Variants in GPALPP1 observed in about 807,000 individuals in gnomAD.
GPALPP1 encodes the protein GPALPP motifs containing 1, also known as GPALPP motifs-containing protein 1.
GPALPP1 carries 30 observed loss-of-function variants against 38.9 expected under a neutral mutation model. The observed-to-expected ratio is 0.77, with a 90% CI of 0.58 to 1.05. The LOEUF (loss-of-function observed/expected upper bound fraction) is 1.05, where lower values mean the gene tolerates loss of function less well. Among genes scored for constraint, GPALPP1 ranks in the 50% least tolerant of loss-of-function variants. The probability of loss-of-function intolerance (pLI) is 0.00; values close to 1 mark genes in which losing one functional copy is unlikely to be tolerated. For missense variants in GPALPP1, 384 were observed against 408.8 expected, an observed-to-expected ratio of 0.94 and a Z score of 0.52; for synonymous variants, 120 against 139.2, an observed-to-expected ratio of 0.86 and a Z score of 0.97.
rs570409619 is a variant in GPALPP1 at position 45,021,120 on chromosome 13, A to T, written c.804+692A>T. On this transcript the variant is annotated intron_variant, in intron 7 of 7. Transcript: ENST00000379151. The stretch of plus-strand genomic sequence containing the variant: ...TTGTTATCTTCTGTCTTTTAAAAAA[A>T]TGGCAAATGTTGGATGGTGCCTGCA... Among the ~76,000 whole-genome samples the T allele has an allele frequency of 1.3e-4, 20 of 152,366 alleles. No individual in the cohort carries two copies. In the East Asian group the frequency reaches 3.7e-3, roughly 28 times the overall value.
chr13:45,019,070 TA>T (rs1875162966), intron 6 of GPALPP1, among the ~76,000 whole-genome samples: 1 of 137,880 alleles, frequency 7.3e-6, no homozygotes, highest in Non-Finnish European at 1.5e-5. Flanking sequence ...TACATATAAA[TA>T]TATACATATA....
rs997706364 is a variant in GPALPP1, at chr13:45,030,095, A to G, written c.*2092A>G. On this transcript the variant is annotated 3_prime_UTR_variant, in exon 8 of 8. Transcript: ENST00000379151. ...TTTTTTTAGCTAATTTACGGGGGTC[A>G]TATCAGTCATGAATAGCCTTTTTTA... 1 of 152,180 alleles carries G rather than the reference A, an allele frequency of 6.6e-6. No individual in the cohort carries two copies. Among genetic ancestry groups the G allele is most frequent in the African/African-American group, 2.4e-5 (1 of 41,442 alleles). 9.4% of individuals were successfully genotyped at this position (152,180 alleles called of 1,614,324 possible). A position where few individuals can be genotyped will look rare whatever the true frequency, so the allele number is the denominator to read the frequency against.
chr13:45,016,023 AC>A (rs1286586065), intron 6 of GPALPP1, among the ~76,000 whole-genome samples: 1 of 152,124 alleles, frequency 6.6e-6, no homozygotes, highest in African/African-American at 2.4e-5. Context: ...GAAAAAAAAA[AC>A]AAAGCTGCAG....
chr13:45,006,160 A>G lies in GPALPP1; in HGVS notation c.222-42A>G, dbSNP rs748851144. The G allele has an allele frequency of 3.5e-5, 41 of 1,164,504 alleles. No individual in the cohort carries two copies. The African/African-American group carries it at 5.7e-4, about 16-fold the overall frequency. The allele number at this position is 1,164,504 out of a possible 1,614,324, so 72.1% of individuals were successfully genotyped here. ...ATTAAAATGTGCTTTTGTGAAAAAA[A>G]TTTTGACATATATGCATAAAGTTAT... On this transcript the variant is annotated intron_variant, in intron 2 of 7. Transcript: ENST00000379151.
intron 1 of GPALPP1, among the ~76,000 whole-genome samples, chr13:45,000,627 GAGAA>G (rs545505060): frequency 2.3e-3 from 354 of 152,250 alleles, no homozygotes; most frequent in Middle Eastern, 3.4e-3. Context: ...CATATAAGAA[GAGAA>G]AGAAGCAGAA....
At chr13:44,997,000 C>T (rs1284981174) in intron 1 of GPALPP1, among the ~76,000 whole-genome samples, 1 of 151,982 alleles carries the variant, frequency 6.6e-6, no homozygotes. Context: ...TCATTCCCCC[C>T]TCCAGCTCCT....
chr13:45,003,053 CTG>C (rs1050779056), intron 1 of GPALPP1, among the ~76,000 whole-genome samples: 3 of 152,044 alleles, frequency 2.0e-5, no homozygotes, highest in South Asian at 2.1e-4. Flanking sequence ...TACTTAATAA[CTG>C]TTGTTGGATG....
intron 1 of GPALPP1, among the ~76,000 whole-genome samples, chr13:44,992,458 T>C (rs927636684): frequency 6.6e-6 from 1 of 152,192 alleles, no homozygotes; most frequent in Non-Finnish European, 1.5e-5. Flanking sequence ...TTAACATAAG[T>C]TTTTAATTTT....
intron 1 of GPALPP1, 114 bp downstream of exon 1, chr13:44,989,856 C>T: frequency 2.7e-6 from 2 of 733,028 alleles, no homozygotes; most frequent in Non-Finnish European, 4.5e-6. Flanking sequence ...GGAGTGGGCG[C>T]GGCCTGACCC....
chr13:45,032,695 C>T (rs1380207656), downstream of GPALPP1, among the ~76,000 whole-genome samples: 5 of 150,218 alleles, frequency 3.3e-5, no homozygotes, highest in Admixed American at 6.6e-5. Flanking sequence ...CGTGAGCCAC[C>T]GCGCCTGGCC....
At chr13:45,023,551 T>C (rs753164054) in intron 7 of GPALPP1, among the ~76,000 whole-genome samples, 9 of 152,256 alleles carry the variant, frequency 5.9e-5, no homozygotes, top group Non-Finnish European at 1.2e-4. Context: ...TAAATCATTT[T>C]CCTCAGTAGT....
At chr13:45,033,056 G>A (rs1876280590), downstream of GPALPP1, among the ~76,000 whole-genome samples, 1 of 151,532 alleles carries the variant, frequency 6.6e-6, no homozygotes, top group South Asian at 2.1e-4. Flanking sequence ...AAAAAAGTGA[G>A]GTTGAGATTT....
At chr13:44,995,169 AACACACACACAC>A (rs371911111) in intron 1 of GPALPP1, among the ~76,000 whole-genome samples, 30 of 128,608 alleles carry the variant, frequency 2.3e-4, no homozygotes, top group Non-Finnish European at 3.9e-4. Flanking sequence ...CCTATCTTTA[AACACACACACAC>A]ACACACACAC....
chr13:45,027,515 G>A (rs564927339), intron 7 of GPALPP1, among the ~76,000 whole-genome samples: 9 of 152,178 alleles, frequency 5.9e-5, no homozygotes, highest in East Asian at 5.8e-4. Context: ...AGACCAGCAC[G>A]TCTATGAAGT....
chr13:45,020,299 C>T (rs758120102), intron 6 of GPALPP1, 31 bp from the exon 7 acceptor site: 3 of 790,876 alleles, frequency 3.8e-6, no homozygotes, highest in Non-Finnish European at 6.6e-6. Context: ...TCTTATGATT[C>T]AGTAATGTGT....
chr13:45,012,441 G>A (rs921308487), intron 4 of GPALPP1, among the ~76,000 whole-genome samples: 7 of 152,130 alleles, frequency 4.6e-5, no homozygotes, highest in Non-Finnish European at 7.4e-5. Context: ...TGGTAAATCT[G>A]AGTGATGACA....
intron 1 of GPALPP1, among the ~76,000 whole-genome samples, chr13:44,997,499 C>G (rs528362143): frequency 1.3e-5 from 2 of 152,248 alleles, no homozygotes; most frequent in East Asian, 3.9e-4. Flanking sequence ...CAGTGACCTT[C>G]ACCTCCACTA....
chr13:45,008,166 A>C (rs2137976268), intron 3 of GPALPP1, among the ~76,000 whole-genome samples: 2 of 152,314 alleles, frequency 1.3e-5, no homozygotes, highest in South Asian at 2.1e-4. Context: ...CACTGCTTGA[A>C]ATATGGTTAG....
At chr13:45,010,108 G>T (rs1274378207) in intron 4 of GPALPP1, among the ~76,000 whole-genome samples, 1 of 152,048 alleles carries the variant, frequency 6.6e-6, no homozygotes. Flanking sequence ...ATACAGTCTG[G>T]CCTCTATTAG....
Sources: gnomAD v4.1 joint callset for allele counts (sites outside exome capture counted in the v4.1 genomes callset) on GRCh38, gnomAD v4.1.1 for gene constraint, MANE v1.5 for transcripts, NCBI Gene and HGNC (gene_info 2026-07-23, HGNC 2026-07-21) for gene names.